Variants in ZNF729 observed in about 807,000 individuals in gnomAD.
ZNF729 encodes zinc finger protein 729.
A neutral mutation model predicts 12.2 loss-of-function variants in ZNF729; 15 were observed. That is an observed-to-expected ratio of 1.23 (90% CI 0.82 to 1.89). The LOEUF (loss-of-function observed/expected upper bound fraction) is 1.89. ZNF729 is among the 40% of genes most tolerant of loss of function. The probability of loss-of-function intolerance (pLI) is 0.00; values close to 1 mark genes in which losing one functional copy is unlikely to be tolerated. For synonymous variants in ZNF729, 492 were observed against 476.3 expected, an observed-to-expected ratio of 1.03 and a Z score of -0.43; for missense variants, 1,540 against 1,456.7, an observed-to-expected ratio of 1.06 and a Z score of -0.93.
In ZNF729 at chr19:22,303,881, C is replaced by T. The variant is rs1298724881; in HGVS notation, c.154C>T (p.Leu52=). Residue 52 remains leucine (L), a synonymous_variant, in exon 2 of 4, where the codon CTG becomes TTG. Transcript: ENST00000601693. ...AGAGAACTACAGAAACCTGGTCTTC[C>T]TGGGTGAGGATAATTTTAATTAAGC... The part of the protein sequence containing the change: ...MLENYRNLVF[L]GMAVFKPDLI... 2.6e-6 allele frequency: 4 copies of T among 1,567,414 alleles called. No homozygotes were observed. In the East Asian group the frequency reaches 9.4e-5, roughly 37 times the overall value.
chr19:22,312,232 T>C (rs1968458942), intron 3 of ZNF729, among the ~76,000 whole-genome samples: 1 of 152,200 alleles, frequency 6.6e-6, no homozygotes, highest in Non-Finnish European at 1.5e-5. Flanking sequence ...GGTTGCTTTC[T>C]AAAAATTTTA....
At chr19:22,304,148 C>T (rs1159722718) in intron 2 of ZNF729, among the ~76,000 whole-genome samples, 2 of 150,732 alleles carry the variant, frequency 1.3e-5, no homozygotes, top group Non-Finnish European at 2.9e-5. Context: ...ATGCAATTCT[C>T]CTGCCTCAGC....
In ZNF729 at chr19:22,313,884, G is replaced by T; in HGVS notation, c.467G>T (p.Cys156Phe). The T allele has an allele frequency of 6.5e-7, 1 of 1,543,400 alleles. No individual in the cohort carries two copies. Among genetic ancestry groups the T allele is most frequent in the Non-Finnish European group, 8.7e-7 (1 of 1,147,844 alleles). The part of the protein sequence containing the change: ...RTATQRKIFQ[C>F]NKHMKVFHKY... ...GCTACCCAGAGAAAAATATTTCAGTGTAACAAACATATGAAAGTCTTTCAT... is the reference window on the plus strand; with the variant it reads ...GCTACCCAGAGAAAAATATTTCAGTTTAACAAACATATGAAAGTCTTTCAT... The change falls in exon 4 of 4, where the codon TGT (cysteine) becomes TTT (phenylalanine). Residue 156 changes from cysteine (C) to phenylalanine (F), a missense_variant. Transcript: ENST00000601693.
At chr19:22,298,714 G>A (rs543632837) in intron 1 of ZNF729, among the ~76,000 whole-genome samples, 4 of 151,990 alleles carry the variant, frequency 2.6e-5, no homozygotes, top group Admixed American at 6.6e-5. Flanking sequence ...GGGTTTCACC[G>A]TGTTGTGCAG....
chr19:22,312,477 T>TGTG (rs1491132977), intron 3 of ZNF729, among the ~76,000 whole-genome samples: 2 of 147,266 alleles, frequency 1.4e-5, no homozygotes, highest in African/African-American at 2.5e-5. Flanking sequence ...TGTGTGTGTG[T>TGTG]TTAGATAAAG....
intron 1 of ZNF729, among the ~76,000 whole-genome samples, 195 bp downstream of exon 1, chr19:22,286,750 T>C (rs1458648893): frequency 6.6e-6 from 1 of 152,108 alleles, no homozygotes; most frequent in African/African-American, 2.4e-5. Context: ...GGGCGACCTG[T>C]CTCCTCCATG....
chr19:22,305,353 T>C (rs1308255915), intron 3 of ZNF729, among the ~76,000 whole-genome samples: 2 of 152,188 alleles, frequency 1.3e-5, no homozygotes, highest in Non-Finnish European at 1.5e-5. Flanking sequence ...TTATAGTCTA[T>C]AATGTTACCT....
intron 1 of ZNF729, among the ~76,000 whole-genome samples, chr19:22,291,895 C>T (rs560983430): frequency 1.3e-5 from 2 of 152,028 alleles, no homozygotes; most frequent in East Asian, 1.9e-4. Context: ...CACCACGCCC[C>T]GCTAATTTTT....
intron 1 of ZNF729, among the ~76,000 whole-genome samples, chr19:22,302,547 T>C (rs1968324398): frequency 6.6e-6 from 1 of 152,310 alleles, no homozygotes; most frequent in African/African-American, 2.4e-5. Context: ...TTAAATTGCT[T>C]ATTAGTATAT....
rs762173092 is a variant in ZNF729, at chr19:22,315,333, A to G, written c.1916A>G (p.Gln639Arg). The G allele has an allele frequency of 7.4e-6, 12 of 1,613,268 alleles. No individual in the cohort carries two copies. In the Admixed American group the frequency reaches 2.0e-4, roughly 27 times the overall value. The change falls in exon 4 of 4, where the codon CAA becomes CGA. Residue 639 changes from glutamine to arginine, a missense_variant. Transcript: ENST00000601693. ...GAAGAATGTGGCAAAGCTTTTAGGCAATCCTCACACCTTACTAGACATAAA... is the reference window on the plus strand; with the variant it reads ...GAAGAATGTGGCAAAGCTTTTAGGCGATCCTCACACCTTACTAGACATAAA... ...KCEECGKAFRQSSHLTRHKAI... is the reference protein window; with the variant it reads ...KCEECGKAFRRSSHLTRHKAI...
intron 3 of ZNF729, among the ~76,000 whole-genome samples, chr19:22,306,511 T>A (rs1968379933): frequency 6.6e-6 from 1 of 150,804 alleles, no homozygotes; most frequent in South Asian, 2.1e-4. Flanking sequence ...TTTTTTTTTT[T>A]AACATGTTTT....
At chr19:22,310,373 C>A (rs755570144) in intron 3 of ZNF729, among the ~76,000 whole-genome samples, 14 of 151,944 alleles carry the variant, frequency 9.2e-5, no homozygotes, top group Admixed American at 9.2e-4. Flanking sequence ...GATGTATGTC[C>A]CTTGTATGCC....
rs1181743916 is a variant in ZNF729, at chr19:22,316,020, G to C, written c.2603G>C (p.Arg868Thr). The C allele has an allele frequency of 2.5e-6, 4 of 1,607,272 alleles. No individual in the cohort carries two copies. In the East Asian group the frequency reaches 9.0e-5, roughly 36 times the overall value. ...GKAFSQSSSL[R>T]KHEIIHSGEK... ...GCTTTTAGCCAATCCTCATCCCTTAGAAAACATGAGATAATTCATAGTGGA... is the reference window on the plus strand; with the variant it reads ...GCTTTTAGCCAATCCTCATCCCTTACAAAACATGAGATAATTCATAGTGGA... Residue 868 changes from arginine (R) to threonine (T), a missense_variant, in exon 4 of 4, where the codon AGA becomes ACA. Physicochemically the swap from Arg to Thr is moderately conservative, Grantham distance 71. Coordinates refer to ENST00000601693, the MANE Select transcript of ZNF729 (RefSeq NM_001242680.2).
intron 1 of ZNF729, among the ~76,000 whole-genome samples, chr19:22,302,476 C>G (rs1262086091): frequency 6.6e-6 from 1 of 152,278 alleles, no homozygotes; most frequent in Non-Finnish European, 1.5e-5. Flanking sequence ...ATTTATTTTA[C>G]CTTGGTAGAA....
chr19:22,291,011 T>TG (rs1323891469), intron 1 of ZNF729, among the ~76,000 whole-genome samples: 1 of 152,120 alleles, frequency 6.6e-6, no homozygotes, highest in African/African-American at 2.4e-5. Flanking sequence ...GATGGGTCTA[T>TG]GGGGTTTGTG....
chr19:22,296,539 A>G (rs181382936), intron 1 of ZNF729, among the ~76,000 whole-genome samples: 5 of 151,600 alleles, frequency 3.3e-5, no homozygotes, highest in Admixed American at 2.6e-4. Flanking sequence ...TATTTACCTT[A>G]TTTATTTATT....
intron 1 of ZNF729, among the ~76,000 whole-genome samples, chr19:22,295,891 T>A (rs1353365890): frequency 6.6e-6 from 1 of 152,182 alleles, no homozygotes; most frequent in Non-Finnish European, 1.5e-5. Flanking sequence ...ATTTTTTTGG[T>A]TTTTATCTTT....
At position 22,314,770 on chromosome 19, in the gene ZNF729, G is replaced by C. The variant is rs780684123; in HGVS notation, c.1353G>C (p.Lys451Asn). Residue 451 changes from lysine to asparagine, a missense_variant, in exon 4 of 4, where the codon AAG (lysine) becomes AAC (asparagine). Lys to Asn is a moderately conservative substitution (Grantham distance 94). Transcript: ENST00000601693. Reference sequence around the variant, plus strand: ...GTTCCTCAACCCTTATGAAACATAAGATAATTCATACTGGGGAGAAACCAT... The same window carrying C: ...GTTCCTCAACCCTTATGAAACATAACATAATTCATACTGGGGAGAAACCAT... ...FNSSSTLMKHKIIHTGEKPYK... is the reference protein window; with the variant it reads ...FNSSSTLMKHNIIHTGEKPYK... The C allele has an allele frequency of 1.6e-5, 26 of 1,613,666 alleles. No individual in the cohort carries two copies. The Admixed American group carries it at 1.7e-4, about 10-fold the overall frequency.
At chr19:22,293,609 C>T (rs1968185956) in intron 1 of ZNF729, among the ~76,000 whole-genome samples, 1 of 146,994 alleles carries the variant, frequency 6.8e-6, no homozygotes, top group Non-Finnish European at 1.5e-5. Context: ...TCTCCTGCCT[C>T]AGCCTCCTGA....
Sources: allele counts gnomAD v4.1 joint callset (sites outside exome capture counted in the v4.1 genomes callset), GRCh38; gene constraint gnomAD v4.1.1; transcripts MANE v1.5; gene names NCBI Gene and HGNC (gene_info 2026-07-23, HGNC 2026-07-21).